ARSJ: variants seen among roughly 807,000 people sequenced by gnomAD.
ARSJ encodes arylsulfatase family member J.
Under a neutral mutation model 35.9 loss-of-function variants are expected in ARSJ, and 26 were observed. The observed-to-expected ratio is 0.72, with a 90% confidence interval of 0.53 to 1.00. ARSJ has a LOEUF of 1.00. Among genes scored for constraint, ARSJ ranks in the 50% least tolerant of loss-of-function variants. The pLI is 0.00. For synonymous variants in ARSJ, 294 were observed against 267.6 expected (o/e 1.10, Z -0.96); for missense variants, 667 against 723.6 (o/e 0.92, Z 0.90).
Position 113,902,608 on chromosome 4 carries a change from G to C in ARSJ, c.1466C>G (p.Thr489Ser). The C allele has an allele frequency of 6.2e-7, 1 of 1,614,162 alleles. No individual in the cohort carries two copies. Among genetic ancestry groups the C allele is most frequent in the Non-Finnish European group, 8.5e-7 (1 of 1,180,030 alleles). Reference sequence around the variant, plus strand: ...GTTGAAAAGCCATACACTTTTGCCAGTTGACAAGGTGATCCGTTCATTGTG... The same window carrying C: ...GTTGAAAAGCCATACACTTTTGCCACTTGACAAGGTGATCCGTTCATTGTG... The part of the protein sequence containing the change: ...RWHNERITLS[T>S]GKSVWLFNIT... The change falls in exon 2 of 2, where the codon ACT (threonine) becomes AGT (serine). Residue 489 changes from threonine (T) to serine (S), a missense_variant. Physicochemically the swap from Thr to Ser is moderately conservative, Grantham distance 58 (BLOSUM62 1). Transcript: ENST00000315366.
chr4:113,930,037 T>C (rs551111378), intron 1 of ARSJ, among the ~76,000 whole-genome samples: 8 of 152,224 alleles, frequency 5.3e-5, no homozygotes, highest in Middle Eastern at 3.4e-3. Context: ...TCTAATCATA[T>C]TAAGCAGCCA....
intron 1 of ARSJ, among the ~76,000 whole-genome samples, chr4:113,946,871 T>TA (rs1725522898): frequency 6.6e-6 from 1 of 152,128 alleles, no homozygotes; most frequent in Non-Finnish European, 1.5e-5. Flanking sequence ...TTTTCTCTTC[T>TA]AAAATTTGTT....
At chr4:113,928,085 G>C (rs758393307) in intron 1 of ARSJ, among the ~76,000 whole-genome samples, 2 of 152,098 alleles carry the variant, frequency 1.3e-5, no homozygotes, top group Non-Finnish European at 2.9e-5. Context: ...AGTCAGACCT[G>C]AGCTAAAATC....
chr4:113,906,693 T>C, intron 1 of ARSJ: 4 of 455,752 alleles, frequency 8.8e-6, no homozygotes, highest in South Asian at 4.7e-5. Flanking sequence ...CACTGCTTAT[T>C]ACCTGTATGG....
intron 1 of ARSJ, among the ~76,000 whole-genome samples, chr4:113,940,373 G>T (rs572249203): frequency 6.6e-6 from 1 of 152,192 alleles, no homozygotes; most frequent in South Asian, 2.1e-4. Flanking sequence ...ATTATCCTCA[G>T]CAAACTAATG....
At chr4:113,962,157 C>T (rs773163729) in intron 1 of ARSJ, among the ~76,000 whole-genome samples, 7 of 151,976 alleles carry the variant, frequency 4.6e-5, no homozygotes, top group Non-Finnish European at 1.0e-4. Context: ...CCAGTTCATT[C>T]AACTCTGGGA....
intron 1 of ARSJ, among the ~76,000 whole-genome samples, chr4:113,914,510 A>G (rs1292590682): frequency 6.6e-6 from 1 of 152,204 alleles, no homozygotes; most frequent in Non-Finnish European, 1.5e-5. Context: ...CCCATTCTTG[A>G]GCAGAATTGC....
intron 1 of ARSJ, among the ~76,000 whole-genome samples, chr4:113,931,934 A>G (rs1269532525): frequency 6.6e-6 from 1 of 152,072 alleles, no homozygotes; most frequent in Non-Finnish European, 1.5e-5. Flanking sequence ...CTGGAACTGT[A>G]TACTTCCATG....
intron 1 of ARSJ, chr4:113,906,762 A>G (rs2099668870): frequency 2.2e-6 from 1 of 455,998 alleles, no homozygotes; most frequent in Admixed American, 2.4e-5. Context: ...AATAGGGATA[A>G]TAATACATAT....
intron 1 of ARSJ, among the ~76,000 whole-genome samples, chr4:113,940,730 A>G (rs1725102745): frequency 6.6e-6 from 1 of 152,144 alleles, no homozygotes; most frequent in African/African-American, 2.4e-5. Flanking sequence ...CTTTAAAACT[A>G]TGTCTAGAAC....
At chr4:113,929,737 C>T (rs997406590) in intron 1 of ARSJ, among the ~76,000 whole-genome samples, 1 of 152,116 alleles carries the variant, frequency 6.6e-6, no homozygotes, top group African/African-American at 2.4e-5. Context: ...AGATTTGAGG[C>T]TCAGTATCTG....
intron 1 of ARSJ, among the ~76,000 whole-genome samples, chr4:113,942,817 T>C (rs182828442): frequency 1.9e-3 from 293 of 152,236 alleles, no homozygotes; most frequent in African/African-American, 6.7e-3. Context: ...ATGCATGATG[T>C]ATGTTCTATC....
Position 113,978,797 on chromosome 4 carries a change from G to A in ARSJ, c.38C>T (p.Pro13Leu). The stretch of plus-strand genomic sequence containing the variant: ...AGGACAGACACAGGCCTGTGGAGAA[G>A]GCGGAGGCGGATGCCCCGCACAGCC... The part of the protein sequence containing the change: ...PRGCAGHPPP[P>L]SPQACVCPGK... The change falls in exon 1 of 2, where the codon CCT (proline) becomes CTT (leucine). Residue 13 changes from proline (P) to leucine (L), a missense_variant. Pro to Leu is a moderately conservative substitution (Grantham distance 98, BLOSUM62 -3). Coordinates refer to ENST00000315366, the MANE Select transcript of ARSJ (RefSeq NM_024590.4). 6.2e-7 allele frequency: 1 copy of A among 1,613,036 alleles called. No homozygotes were observed. Among genetic ancestry groups the A allele is most frequent in the South Asian group, 1.1e-5 (1 of 90,928 alleles).
intron 1 of ARSJ, among the ~76,000 whole-genome samples, chr4:113,930,636 A>G (rs1724377843): frequency 6.6e-6 from 1 of 152,140 alleles, no homozygotes. Context: ...TAAAATTTTG[A>G]AGTATAAATA....
At chr4:113,972,959 G>A (rs544222153) in intron 1 of ARSJ, among the ~76,000 whole-genome samples, 1 of 152,284 alleles carries the variant, frequency 6.6e-6, no homozygotes, top group East Asian at 1.9e-4. Context: ...CCTTTGAAAA[G>A]TAAGGCAACA....
chr4:113,929,671 T>C (rs964930234), intron 1 of ARSJ, among the ~76,000 whole-genome samples: 2 of 152,112 alleles, frequency 1.3e-5, no homozygotes, highest in Non-Finnish European at 2.9e-5. Context: ...GATAAGAGCT[T>C]GTGTCTGTTT....
chr4:113,974,319 A>G (rs1284331981), intron 1 of ARSJ, among the ~76,000 whole-genome samples: 1 of 152,098 alleles, frequency 6.6e-6, no homozygotes, highest in Non-Finnish European at 1.5e-5. Context: ...AAATCGCTAA[A>G]AAAAACCAAA....
chr4:113,967,367 A>G (rs1248063762), intron 1 of ARSJ, among the ~76,000 whole-genome samples: 5 of 152,212 alleles, frequency 3.3e-5, no homozygotes, highest in Non-Finnish European at 7.3e-5. Flanking sequence ...TCTATTCAAA[A>G]TAAATTCCCT....
intron 1 of ARSJ, among the ~76,000 whole-genome samples, chr4:113,944,562 A>G (rs1013352913): frequency 2.0e-4 from 31 of 152,066 alleles, no homozygotes; most frequent in Admixed American, 3.3e-4. Context: ...GAAACGGGCA[A>G]AAGAGATAAC....
Sources: gnomAD v4.1 joint callset for allele counts (sites outside exome capture counted in the v4.1 genomes callset) on GRCh38, gnomAD v4.1.1 for gene constraint, MANE v1.5 for transcripts, NCBI Gene and HGNC (gene_info 2026-07-23, HGNC 2026-07-21) for gene names.